Variants in MXI1 observed in about 807,000 individuals in gnomAD.
MXI1 encodes MAX interactor 1, dimerization protein.
MXI1 carries 18 observed loss-of-function variants against 36.9 expected under a neutral mutation model. The ratio of observed to expected loss-of-function variants is 0.49; its 90% CI spans 0.34 to 0.72. MXI1 has a LOEUF of 0.72. Among genes scored for constraint, MXI1 ranks in the 30% least tolerant of loss-of-function variants. The pLI is 0.01. For missense variants in MXI1, 304 were observed against 379.1 expected, an observed-to-expected ratio of 0.80 and a Z score of 1.64; for synonymous variants, 160 against 146.7, an observed-to-expected ratio of 1.09 and a Z score of -0.65.
At chr10:110,283,073 T>C (rs2134480555) in intron 5 of MXI1, among the ~76,000 whole-genome samples, 1 of 152,306 alleles carries the variant, frequency 6.6e-6, no homozygotes, top group African/African-American at 2.4e-5. Flanking sequence ...TGTTCAGTGG[T>C]GCTGGGAAAC....
rs199889794 is a variant in MXI1 at position 110,216,671 on chromosome 10, T to TG, written c.274+8589_274+8590insG. Among the ~76,000 whole-genome samples the TG allele has an allele frequency of 3.3e-4, 30 of 91,304 alleles. 1 individual carries two copies. Among genetic ancestry groups the TG allele is most frequent in the Middle Eastern group, 4.7e-3 (1 of 214 alleles). 59.9% of individuals were successfully genotyped at this position (91,304 alleles called of 152,430 possible). On this transcript the variant is annotated intron_variant, in intron 1 of 5. Transcript: ENST00000332674. The stretch of plus-strand genomic sequence containing the variant: ...TCCCCTATCTGTGTTTAATGTTTTT[T>TG]TTTTTTTTTTTTTTGGAGACAGGGT...
At chr10:110,273,351 T>C (rs1856922491) in intron 3 of MXI1, among the ~76,000 whole-genome samples, 1 of 152,144 alleles carries the variant, frequency 6.6e-6, no homozygotes, top group Non-Finnish European at 1.5e-5. Context: ...CTGGCCTTTG[T>C]TTAGCTTTCT....
chr10:110,230,643 C>T (rs1855226317), intron 2 of MXI1, among the ~76,000 whole-genome samples: 2 of 152,156 alleles, frequency 1.3e-5, no homozygotes, highest in African/African-American at 4.8e-5. Flanking sequence ...TTTAAAATGC[C>T]TGCTTCATGG....
At position 110,208,089 on chromosome 10, in the gene MXI1, T is replaced by C. The variant is rs1854405709; in HGVS notation, c.274+7T>C. 1 of 1,576,172 alleles carries C rather than the reference T, an allele frequency of 6.3e-7. No individual in the cohort carries two copies. The highest frequency in any genetic ancestry group is 8.6e-7 in the Non-Finnish European group (1 of 1,162,026). On this transcript the variant is annotated splice_region_variant and intron_variant, in intron 1 of 5. Coordinates refer to ENST00000332674, the MANE Select transcript of MXI1 (RefSeq NM_130439.3). ...ATCGAGAAAGAAAACAAAAGTAAGTTTGGGGGCCCCTGCTCTTCCTCGGCG... is the reference window on the plus strand; with the variant it reads ...ATCGAGAAAGAAAACAAAAGTAAGTCTGGGGGCCCCTGCTCTTCCTCGGCG...
intron 2 of MXI1, among the ~76,000 whole-genome samples, chr10:110,234,978 A>T (rs1334632631): frequency 6.6e-6 from 1 of 152,200 alleles, no homozygotes; most frequent in African/African-American, 2.4e-5. Context: ...TAATATATGT[A>T]TATAGTTTAA....
chr10:110,260,752 C>A (rs891957134), intron 3 of MXI1, among the ~76,000 whole-genome samples: 8 of 151,966 alleles, frequency 5.3e-5, no homozygotes, highest in African/African-American at 1.9e-4. Flanking sequence ...TGTACACATA[C>A]ACACACTCAT....
intron 2 of MXI1, among the ~76,000 whole-genome samples, chr10:110,234,582 C>A (rs1746222009): frequency 6.6e-6 from 1 of 152,034 alleles, no homozygotes; most frequent in Admixed American, 6.5e-5. Context: ...ACTCGTTTTT[C>A]CCCCAACAGT....
chr10:110,273,821 G>T (rs980632101), intron 3 of MXI1, among the ~76,000 whole-genome samples: 1 of 152,208 alleles, frequency 6.6e-6, no homozygotes, highest in African/African-American at 2.4e-5. Flanking sequence ...AGACAAGCAG[G>T]TTCCAATGAA....
At chr10:110,213,093 A>ACGAGT (rs1271159573) in intron 1 of MXI1, among the ~76,000 whole-genome samples, 1 of 152,202 alleles carries the variant, frequency 6.6e-6, no homozygotes, top group African/African-American at 2.4e-5. Context: ...AGATTTGGAG[A>ACGAGT]CGAGTCAGAA....
chr10:110,261,261 T>A, intron 3 of MXI1: 1 of 535,466 alleles, frequency 1.9e-6, no homozygotes, highest in African/African-American at 2.1e-5. Context: ...AGGACATGTC[T>A]ACTGTTTATT....
chr10:110,243,948 T>G (rs1855765111), intron 2 of MXI1, among the ~76,000 whole-genome samples: 1 of 152,172 alleles, frequency 6.6e-6, no homozygotes, highest in South Asian at 2.1e-4. Flanking sequence ...TGGTTAAGAT[T>G]TGGGGATTGT....
At chr10:110,210,600 T>G (rs1213409652) in intron 1 of MXI1, among the ~76,000 whole-genome samples, 1 of 152,054 alleles carries the variant, frequency 6.6e-6, no homozygotes, top group Non-Finnish European at 1.5e-5. Flanking sequence ...TTATCCCCCT[T>G]GCAAAGAGAA....
At chr10:110,250,801 C>T (rs1856050263) in intron 3 of MXI1, among the ~76,000 whole-genome samples, 1 of 145,812 alleles carries the variant, frequency 6.9e-6, no homozygotes. Context: ...CACTGCATTC[C>T]AGCCTCAGTG....
chr10:110,211,209 C>T (rs777185052), intron 1 of MXI1, among the ~76,000 whole-genome samples: 1 of 152,120 alleles, frequency 6.6e-6, no homozygotes, highest in Non-Finnish European at 1.5e-5. Context: ...TCCTCCTCCC[C>T]CTCCCAGCTA....
intron 1 of MXI1, chr10:110,226,236 T>C: frequency 6.7e-7 from 1 of 1,498,190 alleles, no homozygotes; most frequent in Non-Finnish European, 8.9e-7. Flanking sequence ...ATGATCAACG[T>C]GCAGCGTCTG....
At chr10:110,279,876 G>A (rs371629291) in intron 4 of MXI1, 38 bp from the exon 5 acceptor site, 5 of 1,535,620 alleles carry the variant, frequency 3.3e-6, no homozygotes, top group Non-Finnish European at 3.5e-6. Flanking sequence ...GTTTGTACTG[G>A]ACTATACACA....
intron 2 of MXI1, among the ~76,000 whole-genome samples, chr10:110,241,376 C>T (rs1855662909): frequency 6.6e-6 from 1 of 151,816 alleles, no homozygotes; most frequent in Non-Finnish European, 1.5e-5. Flanking sequence ...CAGCCTTACA[C>T]AGGGAATTTA....
At chr10:110,280,289 ATATATT>A (rs1266377506) in intron 5 of MXI1, among the ~76,000 whole-genome samples, 6 of 151,176 alleles carry the variant, frequency 4.0e-5, no homozygotes. Context: ...AAATATATTT[ATATATT>A]TATATTATAA....
chr10:110,208,627 C>G (rs1031470523), intron 1 of MXI1: 1 of 152,374 alleles, frequency 6.6e-6, no homozygotes, highest in African/African-American at 2.4e-5. Context: ...CTGTCTCTCT[C>G]TCTCCCTCCT....
Sources: gnomAD v4.1 joint callset for allele counts (sites outside exome capture counted in the v4.1 genomes callset) on GRCh38, gnomAD v4.1.1 for gene constraint, MANE v1.5 for transcripts, NCBI Gene and HGNC (gene_info 2026-07-23, HGNC 2026-07-21) for gene names.